The following ASTN2 variants were observed in gnomAD, a reference collection of about 807,000 sequenced individuals.
ASTN2 encodes the protein astrotactin-2.
In ASTN2, 54 loss-of-function variants were observed where a neutral mutation model predicts 139.8. The observed-to-expected ratio is 0.39, with a 90% CI of 0.31 to 0.48. The LOEUF (loss-of-function observed/expected upper bound fraction) is 0.48. Among genes scored for constraint, ASTN2 ranks in the 20% least tolerant of loss-of-function variants. The pLI, the probability that ASTN2 is intolerant of heterozygous loss-of-function variation, is 0.95. For missense variants in ASTN2, 1,565 were observed against 1,725.1 expected, an observed-to-expected ratio of 0.91 and a Z score of 1.64; for synonymous variants, 756 against 719.5, an observed-to-expected ratio of 1.05 and a Z score of -0.81.
chr9:117,410,154 T>C (rs1554727623), intron 1 of ASTN2, among the ~76,000 whole-genome samples: 1 of 152,232 alleles, frequency 6.6e-6, no homozygotes, highest in Non-Finnish European at 1.5e-5. Flanking sequence ...TTCAATTTTA[T>C]TGCTTTTTCC....
At position 116,805,839 on chromosome 9, in the gene ASTN2, C is replaced by G; in HGVS notation, c.2208-19G>C. 1 of 1,609,406 alleles carries G rather than the reference C, an allele frequency of 6.2e-7. No homozygotes were observed. Among genetic ancestry groups the G allele is most frequent in the Non-Finnish European group, 8.5e-7 (1 of 1,177,262 alleles). On this transcript the variant is annotated intron_variant, in intron 12 of 22. Transcript: ENST00000313400. ...CACGCAACTGTATGATAAAACAGAG[C>G]TCAGAATTAGCTTCACATCCTGAAT...
intron 19 of ASTN2, among the ~76,000 whole-genome samples, chr9:116,615,068 A>G (rs1429999092): frequency 6.6e-6 from 1 of 152,240 alleles, no homozygotes; most frequent in Non-Finnish European, 1.5e-5. Flanking sequence ...GGCAAAGGAT[A>G]TGAACAGACA....
At chr9:117,127,260 C>T (rs1346132615) in intron 4 of ASTN2, among the ~76,000 whole-genome samples, 2 of 152,326 alleles carry the variant, frequency 1.3e-5, no homozygotes, top group East Asian at 3.9e-4. Flanking sequence ...GACCCTTCTC[C>T]ATGTTACAAT....
intron 20 of ASTN2, among the ~76,000 whole-genome samples, chr9:116,479,777 C>A (rs1377048246): frequency 6.6e-6 from 1 of 152,110 alleles, no homozygotes; most frequent in African/African-American, 2.4e-5. Context: ...TGTTTCTAAC[C>A]CATTTGGGCA....
chr9:117,217,048 T>C (rs1001096105), intron 2 of ASTN2, among the ~76,000 whole-genome samples: 1 of 152,054 alleles, frequency 6.6e-6, no homozygotes, highest in Non-Finnish European at 1.5e-5. Context: ...GGTGGAGCTG[T>C]GACTGGGCCC....
chr9:117,186,573 AAAAT>A (rs1249062484), intron 3 of ASTN2, among the ~76,000 whole-genome samples: 1 of 151,940 alleles, frequency 6.6e-6, no homozygotes, highest in Non-Finnish European at 1.5e-5. Context: ...AAAATAAAAT[AAAAT>A]AAATAAATAA....
At position 117,060,487 on chromosome 9, in the gene ASTN2, ATG is replaced by A. The variant is rs1839247918; in HGVS notation, c.1277-20524_1277-20523del. ...AAGGAAGGAAGGAAGGAAGGAAGGAATGAAAGAAAGAAAGAAAGAAAGAAAGG... is the reference window on the plus strand; with the variant it reads ...AAGGAAGGAAGGAAGGAAGGAAGGAAAAAGAAAGAAAGAAAGAAAGAAAGG... On this transcript the variant is annotated intron_variant, in intron 5 of 22. Coordinates refer to ENST00000313400, the MANE Select transcript of ASTN2 (RefSeq NM_001365068.1). Among the ~76,000 whole-genome samples, 115 of 72,430 alleles carry A rather than the reference ATG, an allele frequency of 1.6e-3. 6 individuals are homozygous for A. The highest frequency in any genetic ancestry group is 7.2e-3 in the African/African-American group (107 of 14,774). 47.5% of individuals were successfully genotyped at this position (72,430 alleles called of 152,430 possible). A position where few individuals can be genotyped will look rare whatever the true frequency, so the allele number is the denominator to read the frequency against.
chr9:116,874,292 T>G lies in ASTN2; in HGVS notation c.1890-10559A>C, dbSNP rs577075333. Among the ~76,000 whole-genome samples, 630 of 152,284 alleles carry G rather than the reference T, an allele frequency of 4.1e-3. 2 individuals carry two copies. Among genetic ancestry groups the G allele is most frequent in the Non-Finnish European group, 7.4e-3 (506 of 68,030 alleles). ...ACTAATTTAGGTTGATATATATATA[T>G]ATTGCTGTTCAGAGTGGTCTCATAA... On this transcript the variant is annotated intron_variant, in intron 10 of 22. Coordinates refer to ENST00000313400, the MANE Select transcript of ASTN2 (RefSeq NM_001365068.1).
chr9:116,964,953 C>T (rs79892203), intron 10 of ASTN2, among the ~76,000 whole-genome samples: 1 of 152,154 alleles, frequency 6.6e-6, no homozygotes, highest in Admixed American at 6.5e-5. Flanking sequence ...TCTCAGCAAC[C>T]AAAGTTATCG....
At chr9:116,954,900 A>C (rs949462513) in intron 10 of ASTN2, among the ~76,000 whole-genome samples, 3 of 152,356 alleles carry the variant, frequency 2.0e-5, no homozygotes, top group Admixed American at 6.5e-5. Flanking sequence ...ACTGAACCAG[A>C]AAACCTGGAG....
intron 11 of ASTN2, among the ~76,000 whole-genome samples, chr9:116,852,710 A>C (rs148533641): frequency 1.4e-4 from 21 of 152,292 alleles, no homozygotes; most frequent in African/African-American, 4.3e-4. Context: ...ATTTATCCTC[A>C]AGACCTATGA....
At chr9:117,064,890 T>C (rs1292401460) in intron 5 of ASTN2, among the ~76,000 whole-genome samples, 1 of 152,100 alleles carries the variant, frequency 6.6e-6, no homozygotes, top group Non-Finnish European at 1.5e-5. Flanking sequence ...TTCTCTGCTG[T>C]CTGCTTGTGG....
chr9:117,118,468 A>T (rs2132807186), intron 4 of ASTN2, among the ~76,000 whole-genome samples: 1 of 135,068 alleles, frequency 7.4e-6, no homozygotes, highest in Middle Eastern at 3.7e-3. Flanking sequence ...GCAACATTAG[A>T]TGAAGCTATC....
intron 5 of ASTN2, among the ~76,000 whole-genome samples, chr9:117,060,168 A>G (rs528669266): frequency 5.3e-5 from 8 of 151,464 alleles, no homozygotes; most frequent in African/African-American, 1.7e-4. Context: ...AAAATTAGCC[A>G]GGCATGGTGG....
At chr9:116,866,026 C>A (rs1034281125) in intron 10 of ASTN2, among the ~76,000 whole-genome samples, 1 of 152,204 alleles carries the variant, frequency 6.6e-6, no homozygotes, top group East Asian at 1.9e-4. Context: ...GAAACCTTCT[C>A]TGTTAATTCC....
intron 10 of ASTN2, among the ~76,000 whole-genome samples, chr9:116,955,705 A>G (rs1300883886): frequency 6.6e-6 from 1 of 152,252 alleles, no homozygotes; most frequent in African/African-American, 2.4e-5. Context: ...GTGTGGTCGT[A>G]GCAAGTTGTT....
intron 16 of ASTN2, chr9:116,687,380 A>C: frequency 1.1e-5 from 2 of 174,640 alleles, no homozygotes; most frequent in Non-Finnish European, 1.9e-5. Flanking sequence ...GCGGGCGGTC[A>C]GGTAGGGGGC....
At chr9:116,880,519 T>C (rs1833425521) in intron 10 of ASTN2, among the ~76,000 whole-genome samples, 1 of 152,076 alleles carries the variant, frequency 6.6e-6, no homozygotes, top group Non-Finnish European at 1.5e-5. Flanking sequence ...AATAAGTAAA[T>C]AAACAAAAGC....
chr9:116,628,960 G>C (rs982392525), intron 17 of ASTN2, among the ~76,000 whole-genome samples: 1 of 152,194 alleles, frequency 6.6e-6, no homozygotes, highest in East Asian at 1.9e-4. Flanking sequence ...ACCATTAACA[G>C]TTTTTGAAGA....
Sources: gnomAD v4.1 joint callset for allele counts (sites outside exome capture counted in the v4.1 genomes callset) on GRCh38, gnomAD v4.1.1 for gene constraint, MANE v1.5 for transcripts, NCBI Gene and HGNC (gene_info 2026-07-23, HGNC 2026-07-21) for gene names.